The following TP63 variants were observed in gnomAD, a reference collection of about 807,000 sequenced individuals.
The protein encoded by TP63 is tumor protein p63.
A neutral mutation model predicts 82.8 loss-of-function variants in TP63; 17 were observed. The observed-to-expected ratio is 0.21, with a 90% CI of 0.14 to 0.31. The LOEUF (loss-of-function observed/expected upper bound fraction) is 0.31, where lower values mean the gene tolerates loss of function less well. Ranked by LOEUF, TP63 falls within the 10% of genes least tolerant of loss-of-function variation. TP63 has a pLI of 1.00. For synonymous variants in TP63, 330 were observed against 321.7 expected, an observed-to-expected ratio of 1.03 and a Z score of -0.28; for missense variants, 648 against 895.3, an observed-to-expected ratio of 0.72 and a Z score of 3.52.
chr3:189,627,344 C>T (rs184104404), upstream of TP63, among the ~76,000 whole-genome samples: 1 of 152,248 alleles, frequency 6.6e-6, no homozygotes, highest in African/African-American at 2.4e-5. Context: ...ACAGGTTCAG[C>T]AGCTATAATA....
At chr3:189,748,109 G>A (rs1209934930) in intron 3 of TP63, among the ~76,000 whole-genome samples, 2 of 151,990 alleles carry the variant, frequency 1.3e-5, no homozygotes, top group Non-Finnish European at 2.9e-5. Flanking sequence ...ATGGGGAGAA[G>A]CTAAAAGCCT....
At chr3:189,798,124 G>C (rs557127898) in intron 3 of TP63, among the ~76,000 whole-genome samples, 75 of 152,122 alleles carry the variant, frequency 4.9e-4, no homozygotes, top group South Asian at 4.6e-3. Flanking sequence ...AATGTGATGA[G>C]GACATGCATC....
intron 1 of TP63, among the ~76,000 whole-genome samples, chr3:189,725,141 A>G (rs1231472505): frequency 1.3e-5 from 2 of 152,222 alleles, no homozygotes; most frequent in Non-Finnish European, 2.9e-5. Flanking sequence ...TATAAACCAC[A>G]TTTCCTGTCT....
At chr3:189,750,803 G>A (rs534008632) in intron 3 of TP63, among the ~76,000 whole-genome samples, 1 of 152,136 alleles carries the variant, frequency 6.6e-6, no homozygotes, top group South Asian at 2.1e-4. Flanking sequence ...GGTGTCAAGT[G>A]CCTTTTATTT....
chr3:189,738,927 G>A, intron 3 of TP63, 153 bp downstream of exon 3: 1 of 1,185,726 alleles, frequency 8.4e-7, no homozygotes, highest in Non-Finnish European at 1.2e-6. Flanking sequence ...GAGAAGATTT[G>A]GTGTGGATTA....
At chr3:189,854,610 G>A (rs762550255) in intron 4 of TP63, among the ~76,000 whole-genome samples, 35 of 152,248 alleles carry the variant, frequency 2.3e-4, no homozygotes, top group Non-Finnish European at 4.4e-4. Flanking sequence ...CAAGCCATTG[G>A]CAGAATTTTA....
rs780064931 is a variant in TP63, at chr3:189,896,320, C to T, written c.*1818C>T. 1 of 212,950 alleles carries T rather than the reference C, an allele frequency of 4.7e-6. No homozygotes were observed. The highest frequency in any genetic ancestry group is 1.9e-4 in the South Asian group (1 of 5,336). 13.2% of individuals were successfully genotyped at this position (212,950 alleles called of 1,614,324 possible). On this transcript the variant is annotated 3_prime_UTR_variant, in exon 14 of 14. Transcript: ENST00000264731. ...TTTCTTCTTGGGATAGTGGGATTTC[C>T]AGAACCACACTTGAAACCTTTTTTT...
chr3:189,808,667 A>C, intron 4 of TP63, 141 bp downstream of exon 4: 1 of 1,491,980 alleles, frequency 6.7e-7, no homozygotes, highest in Non-Finnish European at 9.1e-7. Flanking sequence ...TTAATACTGA[A>C]CCAGAGAGAG....
chr3:189,698,563 G>A (rs1016806883), intron 1 of TP63, among the ~76,000 whole-genome samples: 1 of 152,058 alleles, frequency 6.6e-6, no homozygotes, highest in Admixed American at 6.6e-5. Flanking sequence ...TTATCCATGA[G>A]ATGCTATATA....
chr3:189,766,451 A>G (rs995784069), intron 3 of TP63, among the ~76,000 whole-genome samples: 1 of 152,056 alleles, frequency 6.6e-6, no homozygotes, highest in African/African-American at 2.4e-5. Flanking sequence ...GTGGGTGGTA[A>G]GGTATTACAC....
chr3:189,860,461 G>A (rs11720358), intron 4 of TP63, among the ~76,000 whole-genome samples: 19,211 of 151,926 alleles, frequency 0.13, 1,359 homozygotes, highest in African/African-American at 0.2. Flanking sequence ...ACTTAGTACT[G>A]GGTAAAAAAA....
At chr3:189,765,495 G>A (rs1199845239) in intron 3 of TP63, among the ~76,000 whole-genome samples, 1 of 118,184 alleles carries the variant, frequency 8.5e-6, no homozygotes, top group African/African-American at 3.2e-5. Context: ...GAGTGCAGTG[G>A]GGGGATCTTG....
chr3:189,682,127 AG>A (rs1290046752), intron 1 of TP63, among the ~76,000 whole-genome samples: 2 of 152,136 alleles, frequency 1.3e-5, no homozygotes, highest in African/African-American at 4.8e-5. Context: ...CAGCTACTCA[AG>A]AAAATATTCT....
At chr3:189,629,405 T>G (rs1266790161), upstream of TP63, among the ~76,000 whole-genome samples, 1 of 151,930 alleles carries the variant, frequency 6.6e-6, no homozygotes, top group African/African-American at 2.4e-5. Context: ...TAAATAAAAA[T>G]AACTTTTAAA....
intron 5 of TP63, among the ~76,000 whole-genome samples, chr3:189,865,899 G>C (rs1385069235): frequency 4.6e-5 from 7 of 152,120 alleles, no homozygotes; most frequent in African/African-American, 1.7e-4. Context: ...ATTGTTTTTA[G>C]TTTTAACCAT....
intron 4 of TP63, among the ~76,000 whole-genome samples, chr3:189,856,445 G>T (rs975395653): frequency 6.7e-6 from 1 of 148,782 alleles, no homozygotes; most frequent in Admixed American, 6.6e-5. Context: ...AGAAAAAAAC[G>T]TGAAAGTCTA....
intron 1 of TP63, among the ~76,000 whole-genome samples, chr3:189,677,154 A>G (rs147089889): frequency 1.3e-5 from 2 of 151,590 alleles, no homozygotes; most frequent in African/African-American, 4.8e-5. Context: ...GAAAAAACAT[A>G]ATTTCATTCT....
chr3:189,667,397 G>A (rs12635590), intron 1 of TP63, among the ~76,000 whole-genome samples: 66,926 of 151,612 alleles, frequency 0.44, 16,163 homozygotes, highest in Middle Eastern at 0.69. Flanking sequence ...CTGTTCTCAA[G>A]TTCCTGACCT....
chr3:189,895,861 A>T lies in TP63; in HGVS notation c.*1359A>T, dbSNP rs1694502288. 1 of 225,500 alleles carries T rather than the reference A, an allele frequency of 4.4e-6. No individual in the cohort carries two copies. Among genetic ancestry groups the T allele is most frequent in the Non-Finnish European group, 8.8e-6 (1 of 113,276 alleles). 14.0% of individuals were successfully genotyped at this position (225,500 alleles called of 1,614,324 possible). ...CCTGTGGCATAAATTGCATCACTGT[A>T]TCATTTTCTTTTTTAACCGGTAAGA... is the stretch of plus-strand genomic sequence containing the variant. On this transcript the variant is annotated 3_prime_UTR_variant, in exon 14 of 14. Transcript: ENST00000264731.
Sources: allele counts gnomAD v4.1 joint callset (sites outside exome capture counted in the v4.1 genomes callset), GRCh38; gene constraint gnomAD v4.1.1; transcripts MANE v1.5; gene names NCBI Gene and HGNC (gene_info 2026-07-23, HGNC 2026-07-21).